Variants in ST6GALNAC5 observed in about 807,000 individuals in gnomAD.
ST6GALNAC5 encodes alpha-N-acetylgalactosaminide alpha-2,6-sialyltransferase 5.
A neutral mutation model predicts 33.6 loss-of-function variants in ST6GALNAC5; 27 were observed. That is an observed-to-expected ratio of 0.80 (90% CI 0.59 to 1.11). ST6GALNAC5 has a LOEUF of 1.11. Ranked by LOEUF, ST6GALNAC5 falls within the 50% of genes least tolerant of loss-of-function variation. The pLI, the probability that ST6GALNAC5 is intolerant of heterozygous loss-of-function variation, is 0.00. For synonymous variants in ST6GALNAC5, 194 were observed against 171.2 expected, an observed-to-expected ratio of 1.13 and a Z score of -1.04; for missense variants, 428 against 454.0, an observed-to-expected ratio of 0.94 and a Z score of 0.52.
At position 76,964,538 on chromosome 1, in the gene ST6GALNAC5, C is replaced by T. The variant is rs894283629; in HGVS notation, c.262-79666C>T. ...TTGCTTGCTTGATATTTTTTCATAA[C>T]GTGACTGCCTAGGTATAATTTGATT... On this transcript the variant is annotated intron_variant, in intron 2 of 4. Coordinates refer to ENST00000477717, the MANE Select transcript of ST6GALNAC5 (RefSeq NM_030965.3). Among the ~76,000 whole-genome samples, 7 of 152,182 alleles carry T rather than the reference C, an allele frequency of 4.6e-5. No homozygotes were observed. In the East Asian group the frequency reaches 5.8e-4, roughly 13 times the overall value.
At chr1:76,883,094 A>T (rs779108835) in intron 2 of ST6GALNAC5, among the ~76,000 whole-genome samples, 15 of 152,202 alleles carry the variant, frequency 9.9e-5, no homozygotes, top group Non-Finnish European at 2.2e-4. Flanking sequence ...AGTCAATCAC[A>T]TATTGACTGA....
intron 2 of ST6GALNAC5, among the ~76,000 whole-genome samples, chr1:76,925,675 A>AAT (rs754321479): frequency 1.9e-4 from 29 of 151,874 alleles, no homozygotes; most frequent in Non-Finnish European, 3.1e-4. Flanking sequence ...TAATGTTTTA[A>AAT]ATATATATAT....
At chr1:76,959,720 A>G (rs903070827) in intron 2 of ST6GALNAC5, among the ~76,000 whole-genome samples, 5 of 152,232 alleles carry the variant, frequency 3.3e-5, no homozygotes, top group Admixed American at 3.3e-4. Flanking sequence ...CAGATGCTTC[A>G]GAACAGCTTT....
At chr1:76,871,559 G>T (rs1172877051) in intron 2 of ST6GALNAC5, among the ~76,000 whole-genome samples, 3 of 152,098 alleles carry the variant, frequency 2.0e-5, no homozygotes, top group African/African-American at 7.3e-5. Context: ...ACAAATTACA[G>T]CCTGTCTGCA....
intron 2 of ST6GALNAC5, among the ~76,000 whole-genome samples, chr1:76,885,006 C>G (rs563879130): frequency 6.6e-6 from 1 of 152,196 alleles, no homozygotes; most frequent in Admixed American, 6.5e-5. Context: ...AGTAAAAGAC[C>G]ATTCTTAGTA....
At chr1:76,912,835 T>C (rs1221618861) in intron 2 of ST6GALNAC5, among the ~76,000 whole-genome samples, 5 of 152,234 alleles carry the variant, frequency 3.3e-5, no homozygotes, top group African/African-American at 7.2e-5. Context: ...ATGGGTTTCC[T>C]GAATACAGCA....
At chr1:76,983,554 C>G (rs997023194) in intron 2 of ST6GALNAC5, among the ~76,000 whole-genome samples, 1 of 152,090 alleles carries the variant, frequency 6.6e-6, no homozygotes, top group Non-Finnish European at 1.5e-5. Context: ...GACTCCCACA[C>G]AATAATAATG....
At chr1:77,013,611 T>A (rs1650720583) in intron 2 of ST6GALNAC5, among the ~76,000 whole-genome samples, 1 of 152,156 alleles carries the variant, frequency 6.6e-6, no homozygotes, top group Admixed American at 6.5e-5. Context: ...GGAGAAGCCA[T>A]CCCTAAATCC....
intron 2 of ST6GALNAC5, among the ~76,000 whole-genome samples, chr1:77,043,415 T>C (rs546148766): frequency 1.1e-4 from 16 of 152,224 alleles, no homozygotes; most frequent in Non-Finnish European, 1.9e-4. Flanking sequence ...TTTGCCATGA[T>C]GCGTGTTCAC....
chr1:77,033,032 C>T (rs1034579286), intron 2 of ST6GALNAC5, among the ~76,000 whole-genome samples: 2 of 152,140 alleles, frequency 1.3e-5, no homozygotes, highest in African/African-American at 4.8e-5. Flanking sequence ...GCGCAGGGGG[C>T]CTTTATGTCC....
intron 2 of ST6GALNAC5, among the ~76,000 whole-genome samples, chr1:77,026,053 AG>A (rs1651219907): frequency 6.6e-6 from 1 of 152,208 alleles, no homozygotes; most frequent in Non-Finnish European, 1.5e-5. Flanking sequence ...CCTGAATTCT[AG>A]TCTTGGCTTT....
At chr1:76,973,300 G>A (rs1648837943) in intron 2 of ST6GALNAC5, among the ~76,000 whole-genome samples, 1 of 151,950 alleles carries the variant, frequency 6.6e-6, no homozygotes, top group Admixed American at 6.6e-5. Flanking sequence ...GTTTGGAAAG[G>A]CCAAAACCTG....
chr1:77,044,731 A>G, intron 3 of ST6GALNAC5, 118 bp downstream of exon 3: 2 of 1,266,528 alleles, frequency 1.6e-6, no homozygotes, highest in Non-Finnish European at 1.1e-6. Flanking sequence ...TGCTCATGTC[A>G]TTGCTAGAGT....
chr1:77,032,664 A>G (rs1651501510), intron 2 of ST6GALNAC5, among the ~76,000 whole-genome samples: 1 of 152,168 alleles, frequency 6.6e-6, no homozygotes, highest in Admixed American at 6.5e-5. Context: ...ACCTACCAAT[A>G]GATGACTGAA....
At chr1:76,923,521 C>T (rs1252324027) in intron 2 of ST6GALNAC5, among the ~76,000 whole-genome samples, 6 of 151,888 alleles carry the variant, frequency 4.0e-5, no homozygotes, top group African/African-American at 7.3e-5. Flanking sequence ...GGTGAAACCC[C>T]GTCTGTACTA....
chr1:76,989,642 C>T (rs1649646329), intron 2 of ST6GALNAC5, among the ~76,000 whole-genome samples: 1 of 152,134 alleles, frequency 6.6e-6, no homozygotes, highest in Non-Finnish European at 1.5e-5. Flanking sequence ...AGGACCAGGT[C>T]AGCTTTCCTG....
intron 2 of ST6GALNAC5, among the ~76,000 whole-genome samples, chr1:76,920,304 G>A (rs1374733713): frequency 2.6e-5 from 4 of 152,120 alleles, no homozygotes; most frequent in African/African-American, 9.7e-5. Context: ...TGTCAATTCT[G>A]TGACTTTCCA....
At chr1:76,956,516 T>C (rs1049776407) in intron 2 of ST6GALNAC5, among the ~76,000 whole-genome samples, 1 of 152,124 alleles carries the variant, frequency 6.6e-6, no homozygotes, top group Non-Finnish European at 1.5e-5. Context: ...CATTTCCAAC[T>C]TCCCTCCTCC....
At chr1:76,937,146 T>C (rs1647216567) in intron 2 of ST6GALNAC5, among the ~76,000 whole-genome samples, 1 of 151,974 alleles carries the variant, frequency 6.6e-6, no homozygotes, top group South Asian at 2.1e-4. Flanking sequence ...GCAGCACTAA[T>C]AGAAGCCAAA....
Sources: allele counts gnomAD v4.1 joint callset (sites outside exome capture counted in the v4.1 genomes callset), GRCh38; gene constraint gnomAD v4.1.1; transcripts MANE v1.5; gene names NCBI Gene and HGNC (gene_info 2026-07-23, HGNC 2026-07-21).